The following MYCBP2 variants were observed in gnomAD, a reference collection of about 807,000 sequenced individuals.
The protein encoded by MYCBP2 is MYC binding protein 2, also known as E3 ubiquitin-protein ligase MYCBP2.
MYCBP2 carries 120 observed loss-of-function variants against 525.3 expected under a neutral mutation model. The observed-to-expected ratio is 0.23, with a 90% CI of 0.20 to 0.27. MYCBP2 has a LOEUF of 0.27. MYCBP2 is among the 10% of genes least tolerant of loss of function. The pLI, the probability that MYCBP2 is intolerant of heterozygous loss-of-function variation, is 1.00. For missense variants in MYCBP2, 4,149 were observed against 5,657.1 expected (o/e 0.73, Z 8.55); for synonymous variants, 1,894 against 1,955.8 (o/e 0.97, Z 0.83).
rs764028392 is a variant in MYCBP2, at chr13:77,097,820, T to A, written c.9334A>T (p.Met3112Leu). ...ACCTTGTTTTTGTTGATGCTACCCA[T>A]CTTAGATATATCTGGTCCATGGGGT... ...IAPHGPDISK[M>L]GSINKNKVLS... Residue 3112 changes from methionine to leucine, a missense_variant, in exon 56 of 83, where the codon ATG becomes TTG. Physicochemically the swap from Met to Leu is conservative, Grantham distance 15 (BLOSUM62 2). Transcript: ENST00000544440. The A allele has an allele frequency of 2.5e-6, 4 of 1,613,630 alleles. No homozygotes were observed. The African/African-American group carries it at 5.3e-5, about 22-fold the overall frequency.
Position 77,279,949 on chromosome 13 carries a change from C to T in MYCBP2, c.595-1038G>A, listed in dbSNP as rs533816632. 1.8e-4 allele frequency among the ~76,000 whole-genome samples: 27 copies of T among 152,234 alleles called. 1 individual carries two copies. Among genetic ancestry groups the T allele is most frequent in the Admixed American group, 2.0e-4 (3 of 15,294 alleles). ...CAATATACAAGGAACATGTCTTAAA[C>T]GGCTTGTATTATCTTCCAATATACA... is the stretch of plus-strand genomic sequence containing the variant. On this transcript the variant is annotated intron_variant, in intron 3 of 82. Transcript: ENST00000544440.
At chr13:77,130,779 T>C (rs903802377) in intron 52 of MYCBP2, among the ~76,000 whole-genome samples, 10 of 152,292 alleles carry the variant, frequency 6.6e-5, no homozygotes, top group African/African-American at 2.4e-4. Flanking sequence ...TAAAACAATA[T>C]CACTTTTTTT....
At chr13:77,206,343 T>C (rs1361684621) in intron 24 of MYCBP2, among the ~76,000 whole-genome samples, 5 of 150,410 alleles carry the variant, frequency 3.3e-5, no homozygotes, top group Non-Finnish European at 4.4e-5. Flanking sequence ...ATAAATTAAA[T>C]ATTATATACT....
chr13:77,083,535 A>G (rs570980681), intron 62 of MYCBP2, among the ~76,000 whole-genome samples: 1 of 151,918 alleles, frequency 6.6e-6, no homozygotes, highest in East Asian at 1.9e-4. Flanking sequence ...ATACACATAC[A>G]TATATGTAGG....
intron 70 of MYCBP2, 144 bp downstream of exon 70, chr13:77,068,421 A>G: frequency 1.0e-6 from 1 of 979,506 alleles, no homozygotes; most frequent in South Asian, 1.8e-5. Flanking sequence ...AAAAGGGAGT[A>G]AAATACAGGC....
rs972755549 is a variant in MYCBP2, at chr13:77,095,545, T to G, written c.10012A>C (p.Met3338Leu). The G allele has an allele frequency of 6.2e-7, 1 of 1,613,444 alleles. No individual in the cohort carries two copies. The highest frequency in any genetic ancestry group is 1.3e-5 in the African/African-American group (1 of 74,852). The change falls in exon 58 of 83, where the codon ATG (methionine) becomes CTG (leucine). Residue 3338 changes from methionine to leucine, a missense_variant. By Grantham distance (15) the Met-to-Leu change is conservative (BLOSUM62 2). Around this residue, in one of 21 missense-constraint regions of MYCBP2, gnomAD observed 509 missense variants for 789.4 expected, o/e 0.64. Transcript: ENST00000544440. ...GCTTTAATCACCTGGTGAGCTTCCATGGTGGGCAAGGCACGAGGGGTCTTG... is the reference window on the plus strand; with the variant it reads ...GCTTTAATCACCTGGTGAGCTTCCAGGGTGGGCAAGGCACGAGGGGTCTTG... ...QVKTPRALPT[M>L]EAHQVIKANA... is the part of the protein sequence containing the mutation.
At chr13:77,064,834 GTTT>G in intron 72 of MYCBP2, 100 bp from the exon 73 acceptor site, 1 of 1,158,048 alleles carries the variant, frequency 8.6e-7, no homozygotes, top group Non-Finnish European at 1.1e-6. Flanking sequence ...GGAAATATTT[GTTT>G]TTAGTGAGAC....
At chr13:77,303,298 C>T (rs2079013827) in intron 1 of MYCBP2, among the ~76,000 whole-genome samples, 1 of 152,176 alleles carries the variant, frequency 6.6e-6, no homozygotes, top group Non-Finnish European at 1.5e-5. Flanking sequence ...ACACCACTGT[C>T]CTCCAGCCTG....
intron 1 of MYCBP2, among the ~76,000 whole-genome samples, chr13:77,311,074 G>A (rs562572701): frequency 6.6e-6 from 1 of 152,282 alleles, no homozygotes; most frequent in African/African-American, 2.4e-5. Flanking sequence ...CAGTTTGGTT[G>A]TTTTTCTCCT....
At chr13:77,066,508 C>T (rs1417512896) in intron 71 of MYCBP2, among the ~76,000 whole-genome samples, 2 of 152,186 alleles carry the variant, frequency 1.3e-5, no homozygotes, top group African/African-American at 4.8e-5. Context: ...CTGATGTTAT[C>T]TGCATATTGT....
chr13:77,113,760 T>C (rs1426881654), intron 55 of MYCBP2, among the ~76,000 whole-genome samples: 2 of 152,170 alleles, frequency 1.3e-5, no homozygotes. Context: ...ACTGAGAAGA[T>C]GGCTCAGCTC....
chr13:77,185,848 C>T, intron 31 of MYCBP2, 23 bp downstream of exon 31: 1 of 1,509,776 alleles, frequency 6.6e-7, no homozygotes, highest in Non-Finnish European at 8.9e-7. Context: ...TCCCTATAGT[C>T]ATTTAAAAAA....
chr13:77,235,962 G>T (rs2067858854), intron 17 of MYCBP2, among the ~76,000 whole-genome samples: 1 of 152,136 alleles, frequency 6.6e-6, no homozygotes, highest in Non-Finnish European at 1.5e-5. Flanking sequence ...AGGCTGTAGA[G>T]ATAAAAGTAT....
At chr13:77,121,539 A>G (rs2050692290) in intron 54 of MYCBP2, 44 bp from the exon 55 acceptor site, 1 of 1,458,260 alleles carries the variant, frequency 6.9e-7, no homozygotes, top group East Asian at 2.4e-5. Flanking sequence ...CTTACGTGCT[A>G]TTCCCTATTC....
At chr13:77,106,055 A>G (rs1042388350) in intron 55 of MYCBP2, among the ~76,000 whole-genome samples, 1 of 152,136 alleles carries the variant, frequency 6.6e-6, no homozygotes, top group African/African-American at 2.4e-5. Flanking sequence ...TTCTCATTTC[A>G]GTTTAACAAA....
chr13:77,190,923 A>T (rs1032042384), intron 28 of MYCBP2, among the ~76,000 whole-genome samples: 1 of 152,210 alleles, frequency 6.6e-6, no homozygotes, highest in Non-Finnish European at 1.5e-5. Context: ...TATAACTTCA[A>T]CTGATTTCAA....
chr13:77,296,536 G>A (rs574278305), intron 2 of MYCBP2, 63 bp downstream of exon 2: 1 of 1,490,066 alleles, frequency 6.7e-7, no homozygotes, highest in Non-Finnish European at 8.9e-7. Context: ...TTTAATCTTG[G>A]CATTTTTATT....
intron 49 of MYCBP2, among the ~76,000 whole-genome samples, chr13:77,143,093 G>A (rs1391462830): frequency 6.6e-6 from 1 of 152,146 alleles, no homozygotes; most frequent in Non-Finnish European, 1.5e-5. Flanking sequence ...TATACAGACA[G>A]TTTAAAAGTA....
chr13:77,143,057 C>T (rs946853660), intron 49 of MYCBP2, among the ~76,000 whole-genome samples: 4 of 152,136 alleles, frequency 2.6e-5, no homozygotes, highest in African/African-American at 4.8e-5. Context: ...CTGATAAGTA[C>T]TAGAGTTTTC....
Sources: allele counts gnomAD v4.1 joint callset (sites outside exome capture counted in the v4.1 genomes callset), GRCh38; gene constraint gnomAD v4.1.1; regional missense constraint gnomAD v4.1.1; transcripts MANE v1.5; gene names NCBI Gene and HGNC (gene_info 2026-07-23, HGNC 2026-07-21).